PALLD: variants seen among roughly 807,000 people sequenced by gnomAD.
The protein encoded by PALLD is palladin.
A neutral mutation model predicts 123.5 loss-of-function variants in PALLD; 61 were observed. That is an observed-to-expected ratio of 0.49 (90% CI 0.40 to 0.61). The LOEUF is 0.61. Among genes scored for constraint, PALLD ranks in the 20% least tolerant of loss-of-function variants. PALLD has a pLI of 0.00. For missense variants in PALLD, 1,273 were observed against 1,377.0 expected (o/e 0.92, Z 1.20); for synonymous variants, 465 against 496.4 (o/e 0.94, Z 0.84).
chr4:168,620,089 C>T (rs1364109985), intron 2 of PALLD, among the ~76,000 whole-genome samples: 1 of 152,168 alleles, frequency 6.6e-6, no homozygotes. Flanking sequence ...CCACCCCAGC[C>T]CCATGCTAAA....
chr4:168,774,061 TTCTC>T (rs538945373), intron 10 of PALLD, among the ~76,000 whole-genome samples: 4 of 148,696 alleles, frequency 2.7e-5, no homozygotes, highest in Admixed American at 1.4e-4. Flanking sequence ...AGCCACTGTT[TTCTC>T]TCTCTTTTTT....
intron 10 of PALLD, among the ~76,000 whole-genome samples, chr4:168,887,294 A>G (rs1753508446): frequency 6.6e-6 from 1 of 152,174 alleles, no homozygotes; most frequent in South Asian, 2.1e-4. Flanking sequence ...TAAGAGTCAA[A>G]TATACTGAGA....
At chr4:168,507,441 C>G (rs1192024284) in intron 1 of PALLD, 4 of 186,932 alleles carry the variant, frequency 2.1e-5, no homozygotes, top group Non-Finnish European at 4.5e-5. Context: ...CTCCAAGCGG[C>G]TGGGAAAGAA....
At chr4:168,631,766 T>A (rs1410755792) in intron 2 of PALLD, 1 of 985,334 alleles carries the variant, frequency 1.0e-6, no homozygotes, top group Non-Finnish European at 1.2e-6. Flanking sequence ...TGCCAGTTAA[T>A]TTTCTCCGTT....
chr4:168,821,159 G>A (rs982160615), intron 10 of PALLD, among the ~76,000 whole-genome samples: 2 of 152,136 alleles, frequency 1.3e-5, no homozygotes, highest in East Asian at 3.9e-4. Context: ...CCATATAAAG[G>A]AATGATTTGA....
chr4:168,527,119 G>A lies in PALLD; in HGVS notation c.908+14707G>A, dbSNP rs10518004. Among the ~76,000 whole-genome samples the A allele has an allele frequency of 2.1e-3, 322 of 152,146 alleles. 1 individual carries two copies. Among genetic ancestry groups the A allele is most frequent in the African/African-American group, 7.2e-3 (297 of 41,494 alleles). ...TGTACTCACAATAACAAACATATAC[G>A]CGACAGCAATCCTTCCGAGGTGACA... On this transcript the variant is annotated intron_variant, in intron 2 of 21. Coordinates refer to ENST00000505667, the MANE Select transcript of PALLD (RefSeq NM_001166108.2).
intron 2 of PALLD, among the ~76,000 whole-genome samples, chr4:168,626,742 G>A (rs1390286925): frequency 6.6e-6 from 1 of 151,314 alleles, no homozygotes; most frequent in South Asian, 2.1e-4. Context: ...AGTAAATGTG[G>A]TATAGACATA....
At chr4:168,704,589 G>A (rs924387974) in intron 8 of PALLD, among the ~76,000 whole-genome samples, 2 of 150,602 alleles carry the variant, frequency 1.3e-5, no homozygotes, top group African/African-American at 4.9e-5. Context: ...GCATGAACCC[G>A]GGAGGCGGAG....
At chr4:168,858,206 G>A (rs988245331) in intron 10 of PALLD, among the ~76,000 whole-genome samples, 1 of 152,144 alleles carries the variant, frequency 6.6e-6, no homozygotes, top group African/African-American at 2.4e-5. Context: ...GGGAAAATGG[G>A]CTATGAAGCA....
intron 2 of PALLD, among the ~76,000 whole-genome samples, chr4:168,600,028 C>T (rs6830447): frequency 4.0e-5 from 5 of 124,754 alleles, no homozygotes; most frequent in African/African-American, 9.3e-5. Flanking sequence ...TGTGTACACA[C>T]ACATACATAC....
intron 2 of PALLD, among the ~76,000 whole-genome samples, chr4:168,586,787 C>A (rs1243765789): frequency 6.6e-6 from 1 of 151,998 alleles, no homozygotes; most frequent in Non-Finnish European, 1.5e-5. Context: ...CCTTATATAC[C>A]AAATCATCAT....
rs70961555 is a variant in PALLD at position 168,761,645 on chromosome 4, G to GTTTTTTTT, written c.1964+49746_1964+49753dup. ...CCAGCTATTTTTGTTGTTGTTGTTT[G>GTTTTTTTT]TTTTTTTTTTTTTTTTTTTTTTTTT... On this transcript the variant is annotated intron_variant, in intron 10 of 21. Coordinates refer to ENST00000505667, the MANE Select transcript of PALLD (RefSeq NM_001166108.2). Among the ~76,000 whole-genome samples the GTTTTTTTT allele has an allele frequency of 5.3e-3, 462 of 87,450 alleles. 41 individuals are homozygous for GTTTTTTTT. Among genetic ancestry groups the GTTTTTTTT allele is most frequent in the Non-Finnish European group, 7.1e-3 (319 of 44,804 alleles). The allele number at this position is 87,450 out of a possible 152,430, so 57.4% of individuals were successfully genotyped here.
chr4:168,644,958 G>A (rs1226159545), intron 2 of PALLD, among the ~76,000 whole-genome samples: 16 of 151,980 alleles, frequency 1.1e-4, no homozygotes, highest in South Asian at 4.2e-4. Context: ...AAAATTAGCC[G>A]GGCATGGTGG....
At position 168,921,725 on chromosome 4, in the gene PALLD, G is replaced by C; in HGVS notation, c.3042G>C (p.Leu1014=). ...TNRAGQNSFS[L]ELVVAAKEAH... ...GAGCAGGACAGAACTCATTCAGCCT[G>C]GAGCTTGTGGTTGCTGGTAGGCTCA... The change falls in exon 18 of 22, where the codon CTG becomes CTC. Residue 1014 remains leucine (L), a synonymous_variant. Coordinates refer to ENST00000505667, the MANE Select transcript of PALLD (RefSeq NM_001166108.2). 1 of 1,611,394 alleles carries C rather than the reference G, an allele frequency of 6.2e-7. No homozygotes were observed. Among genetic ancestry groups the C allele is most frequent in the Non-Finnish European group, 8.5e-7 (1 of 1,179,632 alleles).
intron 10 of PALLD, among the ~76,000 whole-genome samples, chr4:168,740,550 G>A (rs190498367): frequency 1.2e-4 from 18 of 152,056 alleles, no homozygotes; most frequent in African/African-American, 4.1e-4. Context: ...TCTTGCAGGC[G>A]CTTTCAGAAT....
intron 10 of PALLD, among the ~76,000 whole-genome samples, chr4:168,803,243 T>G (rs1739625849): frequency 6.6e-6 from 1 of 151,722 alleles, no homozygotes; most frequent in African/African-American, 2.4e-5. Context: ...GGTGGAAGTG[T>G]GAAGGGGAAG....
chr4:168,635,624 A>C (rs1227554211), intron 2 of PALLD, among the ~76,000 whole-genome samples: 3 of 152,228 alleles, frequency 2.0e-5, no homozygotes, highest in African/African-American at 7.2e-5. Flanking sequence ...TTATGACACT[A>C]GCTAGAGAAG....
chr4:168,674,266 G>T (rs1017439008), intron 3 of PALLD, among the ~76,000 whole-genome samples: 1 of 152,268 alleles, frequency 6.6e-6, no homozygotes, highest in African/African-American at 2.4e-5. Flanking sequence ...GGATGTGTCA[G>T]GCCGGTAGTT....
intron 1 of PALLD, among the ~76,000 whole-genome samples, chr4:168,502,430 T>C (rs964847225): frequency 6.6e-6 from 1 of 152,218 alleles, no homozygotes; most frequent in Non-Finnish European, 1.5e-5. Flanking sequence ...TATGACTGAT[T>C]TTGCTTTAGC....
Sources: allele counts gnomAD v4.1 joint callset (sites outside exome capture counted in the v4.1 genomes callset), GRCh38; gene constraint gnomAD v4.1.1; transcripts MANE v1.5; gene names NCBI Gene and HGNC (gene_info 2026-07-23, HGNC 2026-07-21).